STK39: variants seen among roughly 807,000 people sequenced by gnomAD.
STK39 encodes STE20/SPS1-related proline-alanine-rich protein kinase.
In STK39, 20 loss-of-function variants were observed where a neutral mutation model predicts 77.8. The ratio of observed to expected loss-of-function variants is 0.26; its 90% CI spans 0.18 to 0.37. The LOEUF (loss-of-function observed/expected upper bound fraction) is 0.37. Ranked by LOEUF, STK39 falls within the 10% of genes least tolerant of loss-of-function variation. The pLI is 1.00. For missense variants in STK39, 479 were observed against 656.5 expected (o/e 0.73, Z 2.95); for synonymous variants, 246 against 234.1 (o/e 1.05, Z -0.47).
chr2:168,121,981 T>C (rs953974552), intron 10 of STK39, among the ~76,000 whole-genome samples: 12 of 152,222 alleles, frequency 7.9e-5, no homozygotes, highest in African/African-American at 2.9e-4. Context: ...CAGGTGCACC[T>C]CCACTTCCTG....
chr2:168,183,494 G>A (rs530960772), intron 1 of STK39, among the ~76,000 whole-genome samples: 2 of 152,218 alleles, frequency 1.3e-5, no homozygotes, highest in African/African-American at 4.8e-5. Context: ...TCAGCATCAC[G>A]CCTGCCAGAC....
intron 15 of STK39, among the ~76,000 whole-genome samples, chr2:168,015,714 A>T (rs559613604): frequency 6.6e-6 from 1 of 152,354 alleles, no homozygotes; most frequent in African/African-American, 2.4e-5. Context: ...TTAAAATAAG[A>T]ATCTGTTCTT....
intron 1 of STK39, 37 bp downstream of exon 1, chr2:168,247,191 C>A (rs1574593317): frequency 8.6e-7 from 1 of 1,162,664 alleles, no homozygotes; most frequent in Non-Finnish European, 1.1e-6. Flanking sequence ...CCTCGGCGCC[C>A]GGCCTGTGCC....
chr2:168,060,215 G>A (rs73017384), intron 14 of STK39, among the ~76,000 whole-genome samples: 3,283 of 151,948 alleles, frequency 0.022, 101 homozygotes, highest in African/African-American at 0.075. Context: ...TAACTAGCTT[G>A]TAAATATTTA....
intron 2 of STK39, among the ~76,000 whole-genome samples, chr2:168,173,287 A>G (rs1189674592): frequency 6.6e-6 from 1 of 152,234 alleles, no homozygotes; most frequent in Non-Finnish European, 1.5e-5. Context: ...GTATAGGAGT[A>G]ATCTTGTTAA....
intron 3 of STK39, 76 bp from the exon 4 acceptor site, chr2:168,163,956 A>C: frequency 1.3e-6 from 2 of 1,514,240 alleles, no homozygotes; most frequent in Non-Finnish European, 1.8e-6. Flanking sequence ...TTATGTATAA[A>C]ATTTAATAGA....
At chr2:168,193,763 T>C (rs1422539009) in intron 1 of STK39, among the ~76,000 whole-genome samples, 1 of 152,210 alleles carries the variant, frequency 6.6e-6, no homozygotes, top group Non-Finnish European at 1.5e-5. Context: ...TGTGAAAACG[T>C]TGCTGCTTAT....
intron 2 of STK39, among the ~76,000 whole-genome samples, chr2:168,175,863 A>C (rs562059107): frequency 1.3e-5 from 2 of 152,222 alleles, no homozygotes; most frequent in African/African-American, 4.8e-5. Context: ...GTACTACAAA[A>C]TATATTAAAA....
chr2:168,057,435 T>A (rs1283338667), intron 14 of STK39, among the ~76,000 whole-genome samples: 1 of 152,210 alleles, frequency 6.6e-6, no homozygotes, highest in Non-Finnish European at 1.5e-5. Flanking sequence ...TCAAGTGATC[T>A]GCCTGCCTTG....
intron 2 of STK39, among the ~76,000 whole-genome samples, chr2:168,176,045 C>T (rs1688948632): frequency 1.3e-5 from 2 of 152,024 alleles, no homozygotes; most frequent in Admixed American, 1.3e-4. Context: ...TTACCACATA[C>T]GATGAATGAG....
intron 2 of STK39, among the ~76,000 whole-genome samples, chr2:168,173,659 G>A (rs914617307): frequency 7.9e-5 from 12 of 152,132 alleles, no homozygotes; most frequent in Admixed American, 7.9e-4. Flanking sequence ...CTGGGTTCAA[G>A]CGATTCTCCT....
intron 16 of STK39, among the ~76,000 whole-genome samples, chr2:168,010,850 A>G (rs1312569965): frequency 6.6e-6 from 1 of 152,274 alleles, no homozygotes; most frequent in Non-Finnish European, 1.5e-5. Context: ...TTTACATAAA[A>G]TAATTCACTT....
At chr2:168,134,231 C>T (rs2105516175) in intron 8 of STK39, among the ~76,000 whole-genome samples, 1 of 152,284 alleles carries the variant, frequency 6.6e-6, no homozygotes, top group Non-Finnish European at 1.5e-5. Context: ...AACAATGCAG[C>T]AGTCTGCAAG....
chr2:167,959,014 T>C (rs1211131552), intron 17 of STK39, among the ~76,000 whole-genome samples: 1 of 152,256 alleles, frequency 6.6e-6, no homozygotes, highest in Admixed American at 6.5e-5. Flanking sequence ...ACTGGGTTAC[T>C]GTCAAGCTTA....
chr2:167,991,961 C>T (rs914227899), intron 16 of STK39, among the ~76,000 whole-genome samples: 5 of 152,274 alleles, frequency 3.3e-5, no homozygotes, highest in Admixed American at 1.3e-4. Context: ...ACAGCCTGAT[C>T]GGCTTGAACA....
intron 10 of STK39, among the ~76,000 whole-genome samples, chr2:168,108,077 G>A (rs1687026434): frequency 6.6e-6 from 1 of 152,148 alleles, no homozygotes; most frequent in Non-Finnish European, 1.5e-5. Context: ...ATTCTAAATT[G>A]TATACTGGAA....
chr2:167,955,518 A>G lies in STK39; in HGVS notation c.1616T>C (p.Phe539Ser), dbSNP rs999421278. Residue 539 changes from phenylalanine (F) to serine (S), a missense_variant, in exon 18 of 18, where the codon TTT (phenylalanine) becomes TCT (serine). Around this residue, in one of 3 missense-constraint regions of STK39, gnomAD observed 244 missense variants for 296.8 expected, o/e 0.82. Transcript: ENST00000355999. ...ACATCAGCTGACACTCAACTGAGCA[A>G]ACCCAATCAGCTTCACTTCATCAGG... Reference protein sequence around the residue: ...EIPDEVKLIGFAQLSVS With the variant: ...EIPDEVKLIGSAQLSVS 6.2e-7 allele frequency: 1 copy of G among 1,613,968 alleles called. No homozygotes were observed. Among genetic ancestry groups the G allele is most frequent in the Admixed American group, 1.7e-5 (1 of 60,002 alleles).
At chr2:168,008,958 T>C (rs1352876332) in intron 16 of STK39, among the ~76,000 whole-genome samples, 1 of 152,158 alleles carries the variant, frequency 6.6e-6, no homozygotes, top group Admixed American at 6.5e-5. Flanking sequence ...TCCTTCTTTC[T>C]CCCCTCACTC....
At chr2:168,137,022 T>G (rs1687858339) in intron 8 of STK39, among the ~76,000 whole-genome samples, 1 of 152,118 alleles carries the variant, frequency 6.6e-6, no homozygotes, top group South Asian at 2.1e-4. Flanking sequence ...TCAGCAAATG[T>G]AAAGGAATGA....
Sources: allele counts gnomAD v4.1 joint callset (sites outside exome capture counted in the v4.1 genomes callset), GRCh38; gene constraint gnomAD v4.1.1; regional missense constraint gnomAD v4.1.1; transcripts MANE v1.5; gene names NCBI Gene and HGNC (gene_info 2026-07-23, HGNC 2026-07-21).